ULK4: variants seen among roughly 807,000 people sequenced by gnomAD.
ULK4 encodes inactive serine/threonine-protein kinase ULK4.
Under a neutral mutation model 160.6 loss-of-function variants are expected in ULK4, and 133 were observed. The observed-to-expected ratio is 0.83, with a 90% CI of 0.72 to 0.96. The LOEUF is 0.96. Among genes scored for constraint, ULK4 ranks in the 40% least tolerant of loss-of-function variants. ULK4 has a pLI of 0.00. For synonymous variants in ULK4, 534 were observed against 539.8 expected (o/e 0.99, Z 0.15); for missense variants, 1,580 against 1,499.5 (o/e 1.05, Z -0.89).
At chr3:41,373,271 T>C (rs1186087422) in intron 35 of ULK4, among the ~76,000 whole-genome samples, 1 of 152,110 alleles carries the variant, frequency 6.6e-6, no homozygotes, top group Admixed American at 6.5e-5. Context: ...TGAATTCAGC[T>C]AGGGACCAAG....
intron 2 of ULK4, among the ~76,000 whole-genome samples, chr3:41,947,228 G>A (rs992547596): frequency 2.0e-5 from 3 of 152,132 alleles, no homozygotes; most frequent in South Asian, 4.1e-4. Context: ...GGAGAATGGC[G>A]TGAACCCAGG....
intron 2 of ULK4, among the ~76,000 whole-genome samples, chr3:41,943,806 C>T (rs558325367): frequency 2.6e-5 from 4 of 152,300 alleles, no homozygotes; most frequent in African/African-American, 7.2e-5. Context: ...CAACCCCCCT[C>T]AAACTTCACT....
chr3:41,557,746 C>T (rs193265139), intron 32 of ULK4, among the ~76,000 whole-genome samples: 3 of 151,978 alleles, frequency 2.0e-5, no homozygotes, highest in Admixed American at 6.5e-5. Flanking sequence ...GCCTGGGTAA[C>T]ACAAGGAGAC....
At chr3:41,492,705 T>G (rs1393904913) in intron 32 of ULK4, among the ~76,000 whole-genome samples, 3 of 151,858 alleles carry the variant, frequency 2.0e-5, no homozygotes, top group Non-Finnish European at 4.4e-5. Flanking sequence ...GAGACACACA[T>G]AGGCTCAAAA....
intron 17 of ULK4, among the ~76,000 whole-genome samples, chr3:41,837,890 T>C (rs897522905): frequency 6.6e-6 from 1 of 152,156 alleles, no homozygotes; most frequent in Non-Finnish European, 1.5e-5. Flanking sequence ...CTGAACGTAT[T>C]CTATTGTATG....
At chr3:41,306,226 G>A (rs1191108513) in intron 35 of ULK4, among the ~76,000 whole-genome samples, 3 of 95,246 alleles carry the variant, frequency 3.1e-5, no homozygotes, top group Non-Finnish European at 5.9e-5. Flanking sequence ...AGGTGGGGGC[G>A]TCAGCCCCCC....
intron 31 of ULK4, among the ~76,000 whole-genome samples, chr3:41,610,697 T>C (rs1422926989): frequency 3.3e-5 from 5 of 152,302 alleles, no homozygotes; most frequent in East Asian, 1.9e-4. Flanking sequence ...TAAAACAATA[T>C]AATTGTCAAA....
intron 32 of ULK4, among the ~76,000 whole-genome samples, chr3:41,497,039 CCA>C (rs2085017324): frequency 3.0e-4 from 2 of 6,610 alleles, no homozygotes; most frequent in African/African-American, 6.5e-4. Context: ...TAACCCATAA[CCA>C]AAAAAAAAAA....
intron 36 of ULK4, 74 bp from the exon 37 acceptor site, chr3:41,247,066 C>G: frequency 2.8e-6 from 4 of 1,445,822 alleles, no homozygotes; most frequent in Non-Finnish European, 3.8e-6. Context: ...TCAAAGGGGC[C>G]AGCCTCTTTT....
At chr3:41,900,190 C>G (rs777206554) in intron 13 of ULK4, among the ~76,000 whole-genome samples, 4 of 151,468 alleles carry the variant, frequency 2.6e-5, no homozygotes, top group Non-Finnish European at 5.9e-5. Context: ...TTTAGAAGTA[C>G]ATTGTGAACT....
At chr3:41,388,966 A>G (rs1485102959) in intron 35 of ULK4, among the ~76,000 whole-genome samples, 3 of 151,904 alleles carry the variant, frequency 2.0e-5, no homozygotes, top group Non-Finnish European at 4.4e-5. Context: ...TACCTTGGGT[A>G]TTATGGCCAT....
intron 34 of ULK4, among the ~76,000 whole-genome samples, chr3:41,404,300 T>C (rs971893814): frequency 1.2e-4 from 18 of 151,854 alleles, no homozygotes; most frequent in South Asian, 2.1e-4. Flanking sequence ...AATAGTTATG[T>C]CATTTCAGTG....
chr3:41,754,385 A>T lies in ULK4; in HGVS notation c.2297T>A (p.Met766Lys). The change falls in exon 22 of 37, where the codon ATG (methionine) becomes AAG (lysine). Residue 766 changes from methionine (M) to lysine (K), a missense_variant. Met to Lys is a moderately conservative substitution (Grantham distance 95, BLOSUM62 -1). Coordinates refer to ENST00000301831, the MANE Select transcript of ULK4 (RefSeq NM_017886.4). Reference sequence around the variant, plus strand: ...CCTTGCTTGGCAACTGAGCAGCAACATCTCACGGTTATAAATCAAAATATA... The same window carrying T: ...CCTTGCTTGGCAACTGAGCAGCAACTTCTCACGGTTATAAATCAAAATATA... ...LLYILIYNRE[M>K]LLLSCQARLV... The T allele has an allele frequency of 6.2e-7, 1 of 1,612,390 alleles. No individual in the cohort carries two copies. Among genetic ancestry groups the T allele is most frequent in the Non-Finnish European group, 8.5e-7 (1 of 1,179,440 alleles).
chr3:41,570,072 G>C (rs1252352975), intron 31 of ULK4, among the ~76,000 whole-genome samples: 1 of 152,170 alleles, frequency 6.6e-6, no homozygotes, highest in Non-Finnish European at 1.5e-5. Context: ...GGAACCTCTT[G>C]ATTGGACACG....
chr3:41,420,549 C>A (rs6784848), intron 34 of ULK4, among the ~76,000 whole-genome samples: 23,900 of 124,790 alleles, frequency 0.19, 2,215 homozygotes, highest in Admixed American at 0.26. Context: ...GTGGTGCAAT[C>A]TCGGCTAATT....
chr3:41,664,207 G>A (rs1229330327), intron 29 of ULK4, among the ~76,000 whole-genome samples: 1 of 152,150 alleles, frequency 6.6e-6, no homozygotes, highest in Non-Finnish European at 1.5e-5. Flanking sequence ...TATAGTAAGA[G>A]ATCAATAAAC....
chr3:41,377,210 G>C lies in ULK4; in HGVS notation c.3678+20869C>G, dbSNP rs183808820. Among the ~76,000 whole-genome samples, 37 of 152,176 alleles carry C rather than the reference G, an allele frequency of 2.4e-4. No homozygotes were observed. The East Asian group carries it at 6.2e-3, about 25-fold the overall frequency. On this transcript the variant is annotated intron_variant, in intron 35 of 36. Transcript: ENST00000301831. Reference sequence around the variant, plus strand: ...AACTGGATCCCTTCCTTACACCTTAGACAAAAATCAATTCAAGATGGATTA... The same window carrying C: ...AACTGGATCCCTTCCTTACACCTTACACAAAAATCAATTCAAGATGGATTA...
At chr3:41,326,000 A>C (rs1231082925) in intron 35 of ULK4, among the ~76,000 whole-genome samples, 2 of 152,212 alleles carry the variant, frequency 1.3e-5, no homozygotes, top group African/African-American at 4.8e-5. Flanking sequence ...ACAAATGGAT[A>C]AGTAATGAAT....
At chr3:41,436,255 T>C (rs550067020) in intron 34 of ULK4, among the ~76,000 whole-genome samples, 1 of 152,166 alleles carries the variant, frequency 6.6e-6, no homozygotes, top group Non-Finnish European at 1.5e-5. Context: ...GCTATGATGT[T>C]TGGTAGGTTT....
Sources: allele counts gnomAD v4.1 joint callset (sites outside exome capture counted in the v4.1 genomes callset), GRCh38; gene constraint gnomAD v4.1.1; transcripts MANE v1.5; gene names NCBI Gene and HGNC (gene_info 2026-07-23, HGNC 2026-07-21).